The following ANKS1B variants were observed in gnomAD, a reference collection of about 807,000 sequenced individuals.
ANKS1B encodes ankyrin repeat and sterile alpha motif domain containing 1B.
ANKS1B carries 36 observed loss-of-function variants against 148.3 expected under a neutral mutation model. The ratio of observed to expected loss-of-function variants is 0.24; its 90% CI spans 0.19 to 0.32. The LOEUF is 0.32. ANKS1B is among the 10% of genes least tolerant of loss of function. ANKS1B has a pLI of 1.00. For synonymous variants in ANKS1B, 542 were observed against 560.8 expected, an observed-to-expected ratio of 0.97 and a Z score of 0.47; for missense variants, 1,157 against 1,542.6, an observed-to-expected ratio of 0.75 and a Z score of 4.19.
At chr12:98,799,105 G>C in intron 21 of ANKS1B, 100 bp from the exon 22 acceptor site, 1 of 731,064 alleles carries the variant, frequency 1.4e-6, no homozygotes, top group Non-Finnish European at 2.0e-6. Flanking sequence ...AGGTTTCCTG[G>C]CTGTAAGTTG....
chr12:99,473,418 G>C (rs558968892), intron 10 of ANKS1B, among the ~76,000 whole-genome samples: 1 of 151,826 alleles, frequency 6.6e-6, no homozygotes, highest in Non-Finnish European at 1.5e-5. Flanking sequence ...GTGAATATCC[G>C]TGAGAGACTT....
chr12:98,977,655 A>G (rs2099899429), intron 17 of ANKS1B, among the ~76,000 whole-genome samples: 1 of 152,192 alleles, frequency 6.6e-6, no homozygotes. Context: ...GTTGTCACAG[A>G]ACAAAAAATT....
At chr12:98,795,096 C>T (rs1400411219) in intron 22 of ANKS1B, 11 of 563,104 alleles carry the variant, frequency 2.0e-5, no homozygotes, top group Non-Finnish European at 3.1e-5. Context: ...ATATATTTTT[C>T]CTACCTTGCC....
At chr12:99,755,071 T>TA (rs59946297) in intron 8 of ANKS1B, among the ~76,000 whole-genome samples, 16 of 149,460 alleles carry the variant, frequency 1.1e-4, no homozygotes, top group South Asian at 2.1e-4. Context: ...AGCTGCTTTT[T>TA]AAAAAAAAAA....
At chr12:99,481,085 G>A (rs942473855) in intron 10 of ANKS1B, among the ~76,000 whole-genome samples, 2 of 151,388 alleles carry the variant, frequency 1.3e-5, no homozygotes, top group African/African-American at 4.8e-5. Context: ...TTACACGCAT[G>A]AATTATATAG....
At chr12:99,579,415 T>C (rs1401567627) in intron 9 of ANKS1B, among the ~76,000 whole-genome samples, 1 of 151,842 alleles carries the variant, frequency 6.6e-6, no homozygotes, top group East Asian at 1.9e-4. Context: ...ACACAGACAA[T>C]CTACAGAATG....
chr12:99,165,423 C>T (rs959412337), intron 14 of ANKS1B, among the ~76,000 whole-genome samples: 5 of 151,364 alleles, frequency 3.3e-5, no homozygotes, highest in African/African-American at 1.2e-4. Context: ...TAATCAATAC[C>T]GGGAATGAGA....
intron 17 of ANKS1B, among the ~76,000 whole-genome samples, chr12:98,914,635 G>T (rs1427218126): frequency 6.6e-6 from 1 of 151,578 alleles, no homozygotes; most frequent in African/African-American, 2.4e-5. Context: ...CAGCTCACTG[G>T]CCTCCCTTCA....
At chr12:99,538,404 TC>T (rs1030287728) in intron 9 of ANKS1B, among the ~76,000 whole-genome samples, 2 of 152,164 alleles carry the variant, frequency 1.3e-5, no homozygotes, top group African/African-American at 4.8e-5. Context: ...GGAATGTCTT[TC>T]CATTTTTCTG....
At chr12:99,359,319 T>A (rs1190664699) in intron 12 of ANKS1B, among the ~76,000 whole-genome samples, 1 of 152,140 alleles carries the variant, frequency 6.6e-6, no homozygotes, top group African/African-American at 2.4e-5. Context: ...TTCTCTCTTG[T>A]TATATTTAGT....
At chr12:99,153,266 T>C (rs1230534826) in intron 15 of ANKS1B, among the ~76,000 whole-genome samples, 1 of 152,192 alleles carries the variant, frequency 6.6e-6, no homozygotes, top group Non-Finnish European at 1.5e-5. Flanking sequence ...GCTGTCACTA[T>C]TGTGTTATCA....
chr12:99,674,299 A>G (rs1003363757), intron 8 of ANKS1B, among the ~76,000 whole-genome samples: 3 of 151,874 alleles, frequency 2.0e-5, no homozygotes, highest in Non-Finnish European at 4.4e-5. Context: ...ATATTTTATT[A>G]TATCTAAGAC....
Position 99,966,431 on chromosome 12 carries a change from T to A in ANKS1B, c.134+17673A>T, listed in dbSNP as rs576634062. Among the ~76,000 whole-genome samples, 48 of 152,344 alleles carry A rather than the reference T, an allele frequency of 3.2e-4. 1 individual carries two copies. Among genetic ancestry groups the A allele is most frequent in the African/African-American group, 1.1e-3 (45 of 41,582 alleles). On this transcript the variant is annotated intron_variant, in intron 1 of 26. Coordinates refer to ENST00000683438, the MANE Select transcript of ANKS1B (RefSeq NM_001352186.2). ...AAAAATAAAAATATTTGACAGTATG[T>A]AGTTCTACCTCCAAACATTAAAGAA... is the stretch of plus-strand genomic sequence containing the variant.
chr12:99,287,650 T>G (rs2079321149), intron 12 of ANKS1B, among the ~76,000 whole-genome samples: 1 of 152,110 alleles, frequency 6.6e-6, no homozygotes. Flanking sequence ...TTAACAAAAT[T>G]TAAGATAACA....
intron 24 of ANKS1B, among the ~76,000 whole-genome samples, chr12:98,775,330 G>T (rs1337405926): frequency 6.6e-6 from 1 of 152,158 alleles, no homozygotes; most frequent in African/African-American, 2.4e-5. Flanking sequence ...TTCCAATGGT[G>T]CACGGCAGCA....
intron 14 of ANKS1B, among the ~76,000 whole-genome samples, chr12:99,179,980 C>G (rs909573354): frequency 3.9e-5 from 6 of 151,988 alleles, no homozygotes; most frequent in African/African-American, 7.2e-5. Flanking sequence ...TTCTATGAAC[C>G]CTTTCCTCCT....
chr12:99,583,165 A>G (rs1304089145), intron 9 of ANKS1B, among the ~76,000 whole-genome samples: 2 of 152,166 alleles, frequency 1.3e-5, no homozygotes, highest in African/African-American at 2.4e-5. Flanking sequence ...CACATACAGT[A>G]CACTCTATTG....
intron 17 of ANKS1B, among the ~76,000 whole-genome samples, chr12:99,015,898 C>G (rs1297223616): frequency 6.6e-6 from 1 of 151,976 alleles, no homozygotes; most frequent in Non-Finnish European, 1.5e-5. Flanking sequence ...CAAAAAAACA[C>G]AGCTTCAAGT....
intron 1 of ANKS1B, among the ~76,000 whole-genome samples, chr12:99,970,081 C>T (rs2095539990): frequency 6.6e-6 from 1 of 152,036 alleles, no homozygotes; most frequent in South Asian, 2.1e-4. Flanking sequence ...TAAGTAACAA[C>T]AGTATATACA....
Sources: allele counts gnomAD v4.1 joint callset (sites outside exome capture counted in the v4.1 genomes callset), GRCh38; gene constraint gnomAD v4.1.1; transcripts MANE v1.5; gene names NCBI Gene and HGNC (gene_info 2026-07-23, HGNC 2026-07-21).